Variants in HUWE1 observed in about 807,000 individuals in gnomAD.
HUWE1 encodes E3 ubiquitin-protein ligase HUWE1.
Under a neutral mutation model 299.4 loss-of-function variants are expected in HUWE1, and 18 were observed. The ratio of observed to expected loss-of-function variants is 0.06; its 90% CI spans 0.04 to 0.09. HUWE1 has a LOEUF of 0.09. Among genes scored for constraint, HUWE1 ranks in the 10% least tolerant of loss-of-function variants. The pLI, the probability that HUWE1 is intolerant of heterozygous loss-of-function variation, is 1.00. For missense variants in HUWE1, 1,832 were observed against 3,462.3 expected (o/e 0.53, Z 11.82); for synonymous variants, 1,317 against 1,286.1 (o/e 1.02, Z -0.51).
At chrX:53,644,314 GC>G (rs2067820379) in intron 7 of HUWE1, among the ~76,000 whole-genome samples, 1 of 112,024 alleles carries the variant, frequency 8.9e-6, no homozygotes, top group Non-Finnish European at 1.9e-5. Flanking sequence ...TTTATATGAA[GC>G]TTTTGTTAAT....
chrX:53,666,808 TATC>T (rs2069271862), intron 3 of HUWE1, among the ~76,000 whole-genome samples: 2 of 112,021 alleles, frequency 1.8e-5, no homozygotes, highest in South Asian at 7.4e-4. Flanking sequence ...AGTGGGACTG[TATC>T]ATATTTATCT....
intron 19 of HUWE1, among the ~76,000 whole-genome samples, chrX:53,622,827 G>T (rs1174767414): frequency 8.9e-6 from 1 of 112,107 alleles, no homozygotes; most frequent in African/African-American, 3.2e-5. Context: ...GAGGTTCTCA[G>T]AACTCCCTGA....
chrX:53,663,619 G>A (rs1471024897), intron 3 of HUWE1, among the ~76,000 whole-genome samples: 2 of 111,479 alleles, frequency 1.8e-5, no homozygotes, highest in African/African-American at 6.5e-5. Flanking sequence ...GTTCTCAAGT[G>A]GCTGCAAACT....
chrX:53,557,355 A>G, intron 60 of HUWE1, 27 bp downstream of exon 60: 1 of 1,185,867 alleles, frequency 8.4e-7, no homozygotes, highest in Non-Finnish European at 1.1e-6. Context: ...TTGATTAGTA[A>G]GAAGGGAGAA....
At position 53,549,074 on chromosome X, in the gene HUWE1, C is replaced by T; in HGVS notation, c.9920G>A (p.Gly3307Glu). The change falls in exon 67 of 84, where the codon GGG becomes GAG. Residue 3307 changes from glycine (G) to glutamate (E), a missense_variant. Gly to Glu is a moderately conservative substitution (Grantham distance 98). Transcript: ENST00000262854. ...RTNIFQIQRS[G>E]GRKHTEKHAS... ...ATGCTTCTCGGTATGTTTACGCCCC[C>T]CTGAACGCTGGATCTGAAATATATT... 1 of 1,211,561 alleles carries T rather than the reference C, an allele frequency of 8.3e-7. No homozygotes were observed. The highest frequency in any genetic ancestry group is 1.1e-6 in the Non-Finnish European group (1 of 895,272).
intron 44 of HUWE1, among the ~76,000 whole-genome samples, chrX:53,576,045 T>C (rs1006407689): frequency 3.6e-5 from 4 of 112,286 alleles, no homozygotes; most frequent in Non-Finnish European, 7.5e-5. Context: ...GCACTATTGC[T>C]CATGCAGTGG....
At chrX:53,608,288 G>T (rs1193754168) in intron 24 of HUWE1, among the ~76,000 whole-genome samples, 4 of 111,590 alleles carry the variant, frequency 3.6e-5, no homozygotes, top group Non-Finnish European at 5.6e-5. Flanking sequence ...AAACAATTCT[G>T]GGAAAATTCA....
intron 48 of HUWE1, 30 bp from the exon 49 acceptor site, chrX:53,568,904 T>C (rs868936816): frequency 1.8e-6 from 2 of 1,135,725 alleles, no homozygotes; most frequent in Non-Finnish European, 2.4e-6. Context: ...ATCTCTATCA[T>C]ATGAATATAG....
intron 7 of HUWE1, among the ~76,000 whole-genome samples, chrX:53,642,510 C>T (rs1238091510): frequency 7.2e-5 from 8 of 111,735 alleles, no homozygotes; most frequent in African/African-American, 2.3e-4. Context: ...CTCCTCACTA[C>T]CACAAATGAT....
intron 8 of HUWE1, among the ~76,000 whole-genome samples, chrX:53,633,409 G>A (rs2066999793): frequency 8.9e-6 from 1 of 112,270 alleles, no homozygotes; most frequent in African/African-American, 3.2e-5. Flanking sequence ...GATTTATGTA[G>A]TTTTGATTAT....
chrX:53,611,774 C>G (rs1347365517), intron 23 of HUWE1, among the ~76,000 whole-genome samples: 1 of 109,023 alleles, frequency 9.2e-6, no homozygotes, highest in African/African-American at 3.3e-5. Context: ...CCGAGAACTG[C>G]TTGAACTCGG....
chrX:53,534,424 C>T, intron 82 of HUWE1, 92 bp downstream of exon 82: 2 of 850,379 alleles, frequency 2.4e-6, no homozygotes, highest in South Asian at 4.7e-5. Flanking sequence ...GCAACTTCCT[C>T]TAAGAGTACT....
chrX:53,603,755 C>T (rs1028752257), intron 26 of HUWE1, among the ~76,000 whole-genome samples: 1 of 112,145 alleles, frequency 8.9e-6, no homozygotes, highest in Middle Eastern at 4.6e-3. Flanking sequence ...GCATCAGAGG[C>T]TACTCTTTTT....
chrX:53,535,785 T>C (rs781810553), intron 80 of HUWE1: 244 of 388,867 alleles, frequency 6.3e-4, no homozygotes, highest in Non-Finnish European at 1.0e-3. Context: ...ATGGCTAACA[T>C]ATGTAACGGA....
Position 53,558,988 on chromosome X carries a change from A to G in HUWE1, c.7988T>C (p.Met2663Thr). The change falls in exon 58 of 84, where the codon ATG becomes ACG. Residue 2663 changes from methionine to threonine, a missense_variant. Transcript: ENST00000262854. ...EECKVLDAES[M>T]HDCVSVVKVS... ...CCACGCACCTGAAACACAGTCATGC[A>G]TGCTCTCAGCATCGAGAACTTTGCA... The G allele has an allele frequency of 8.4e-7, 1 of 1,186,021 alleles. No homozygotes were observed.
chrX:53,675,507 G>A (rs2069772934), intron 3 of HUWE1, among the ~76,000 whole-genome samples: 1 of 110,921 alleles, frequency 9.0e-6, no homozygotes, highest in African/African-American at 3.3e-5. Context: ...AAAGGCTAAG[G>A]AACTTTAAAC....
chrX:53,559,627 A>C, intron 56 of HUWE1, 95 bp from the exon 57 acceptor site: 1 of 726,505 alleles, frequency 1.4e-6, no homozygotes, highest in Non-Finnish European at 2.1e-6. Flanking sequence ...CCTCTATTAA[A>C]TGCAGAACAT....
chrX:53,551,010 C>T lies in HUWE1; in HGVS notation c.9276G>A (p.Glu3092=), dbSNP rs1286987990. Residue 3092 remains glutamate, a synonymous_variant, in exon 65 of 84, where the codon GAG becomes GAA. Coordinates refer to ENST00000262854, the MANE Select transcript of HUWE1 (RefSeq NM_031407.7). ...LAVMPPDIAA[E]AQALRREQEA... Reference sequence around the variant, plus strand: ...CTTGCTCTCGTCTCAGGGCTTGAGCCTCAGCTGCAATGTCAGGTGGCATCA... The same window carrying T: ...CTTGCTCTCGTCTCAGGGCTTGAGCTTCAGCTGCAATGTCAGGTGGCATCA... 1 of 1,209,697 alleles carries T rather than the reference C, an allele frequency of 8.3e-7. No homozygotes were observed. The highest frequency in any genetic ancestry group is 1.1e-6 in the Non-Finnish European group (1 of 895,046).
intron 23 of HUWE1, among the ~76,000 whole-genome samples, chrX:53,612,166 C>T (rs1418478266): frequency 8.9e-6 from 1 of 111,999 alleles, no homozygotes; most frequent in Non-Finnish European, 1.9e-5. Context: ...TTTAGACAGT[C>T]TCTTGCTTTT....
Sources: gnomAD v4.1 joint callset for allele counts (sites outside exome capture counted in the v4.1 genomes callset) on GRCh38, gnomAD v4.1.1 for gene constraint, MANE v1.5 for transcripts, NCBI Gene and HGNC (gene_info 2026-07-23, HGNC 2026-07-21) for gene names.